ZNRF3: variants seen among roughly 807,000 people sequenced by gnomAD.
ZNRF3 encodes the protein zinc and ring finger 3, also known as E3 ubiquitin-protein ligase ZNRF3.
Under a neutral mutation model 72.5 loss-of-function variants are expected in ZNRF3, and 23 were observed. That is an observed-to-expected ratio of 0.32 (90% CI 0.23 to 0.45). The LOEUF is 0.45. Among genes scored for constraint, ZNRF3 ranks in the 20% least tolerant of loss-of-function variants. The pLI is 1.00. For synonymous variants in ZNRF3, 610 were observed against 545.3 expected, an observed-to-expected ratio of 1.12 and a Z score of -1.65; for missense variants, 1,169 against 1,272.1, an observed-to-expected ratio of 0.92 and a Z score of 1.23.
Position 28,923,968 on chromosome 22 carries a change from C to T in ZNRF3, c.300+39902C>T, listed in dbSNP as rs116261894. 3.3e-3 allele frequency among the ~76,000 whole-genome samples: 505 copies of T among 152,356 alleles called. 3 individuals are homozygous for T. Among genetic ancestry groups the T allele is most frequent in the African/African-American group, 0.012 (488 of 41,592 alleles). ...GCAATCATGATGATCTCGGATCCCG[C>T]GTGGGCGCTGTGATGGTATCGGCTT... is the stretch of plus-strand genomic sequence containing the variant. On this transcript the variant is annotated intron_variant, in intron 1 of 8. Coordinates refer to ENST00000544604, the MANE Select transcript of ZNRF3 (RefSeq NM_001206998.2).
At chr22:29,051,675 G>A (rs1026560918) in intron 8 of ZNRF3, among the ~76,000 whole-genome samples, 26 of 151,420 alleles carry the variant, frequency 1.7e-4, no homozygotes, top group Middle Eastern at 3.4e-3. Flanking sequence ...GGGAGGGCAA[G>A]GCGTGTGAAT....
chr22:28,896,851 C>T (rs2034007602), intron 1 of ZNRF3, among the ~76,000 whole-genome samples: 1 of 152,204 alleles, frequency 6.6e-6, no homozygotes, highest in South Asian at 2.1e-4. Flanking sequence ...TTGGCTTGCT[C>T]TGCCTCTTGC....
At chr22:29,036,022 G>A (rs1255713116) in intron 2 of ZNRF3, among the ~76,000 whole-genome samples, 1 of 152,106 alleles carries the variant, frequency 6.6e-6, no homozygotes, top group African/African-American at 2.4e-5. Context: ...ATTTTGGTGG[G>A]CGTGTGTCTG....
chr22:28,897,234 G>A (rs543045036), intron 1 of ZNRF3, among the ~76,000 whole-genome samples: 14 of 152,188 alleles, frequency 9.2e-5, no homozygotes, highest in Non-Finnish European at 2.1e-4. Flanking sequence ...GTCTCTCATT[G>A]TTGCCTCCGG....
At chr22:29,046,103 CTT>C (rs370700456) in intron 5 of ZNRF3, among the ~76,000 whole-genome samples, 128 of 152,288 alleles carry the variant, frequency 8.4e-4, no homozygotes, top group African/African-American at 3.0e-3. Flanking sequence ...AGCCACATCA[CTT>C]TGTGCTTGCA....
chr22:28,931,640 TCCATCTGTCCACACAC>T (rs2034709198), intron 1 of ZNRF3, among the ~76,000 whole-genome samples: 1 of 152,152 alleles, frequency 6.6e-6, no homozygotes, highest in Non-Finnish European at 1.5e-5. Flanking sequence ...CACCCATCTG[TCCATCTGTCCACACAC>T]CCATCTGTCC....
intron 2 of ZNRF3, among the ~76,000 whole-genome samples, chr22:29,000,766 A>C (rs2036127277): frequency 6.6e-6 from 1 of 152,102 alleles, no homozygotes; most frequent in African/African-American, 2.4e-5. Flanking sequence ...ATCACCACAG[A>C]AGGCAAAGGG....
intron 1 of ZNRF3, among the ~76,000 whole-genome samples, chr22:28,951,566 T>G (rs2035161322): frequency 6.6e-6 from 1 of 152,192 alleles, no homozygotes. Flanking sequence ...GACATCTTGA[T>G]TTTGGACTTC....
intron 1 of ZNRF3, among the ~76,000 whole-genome samples, chr22:28,985,584 A>T (rs1444491507): frequency 6.6e-6 from 1 of 152,154 alleles, no homozygotes; most frequent in African/African-American, 2.4e-5. Context: ...TCCCTGTCAG[A>T]TGGTCAGCTC....
At chr22:28,933,054 C>T (rs538047623) in intron 1 of ZNRF3, among the ~76,000 whole-genome samples, 2 of 152,322 alleles carry the variant, frequency 1.3e-5, no homozygotes, top group South Asian at 4.1e-4. Flanking sequence ...GTGGCCAAAT[C>T]TTCCAAAGTA....
chr22:29,043,035 A>G (rs2036996754), intron 3 of ZNRF3, among the ~76,000 whole-genome samples: 1 of 151,516 alleles, frequency 6.6e-6, no homozygotes, highest in Non-Finnish European at 1.5e-5. Context: ...GGCCTCCCAA[A>G]GTGCTGGGAT....
chr22:28,957,656 G>C (rs1053626338), intron 1 of ZNRF3, among the ~76,000 whole-genome samples: 1 of 151,816 alleles, frequency 6.6e-6, no homozygotes, highest in African/African-American at 2.4e-5. Context: ...GGCCAGGCTG[G>C]TCTCAAACTC....
intron 1 of ZNRF3, among the ~76,000 whole-genome samples, chr22:28,966,276 G>A (rs540815347): frequency 9.2e-5 from 14 of 152,172 alleles, no homozygotes; most frequent in Admixed American, 8.5e-4. Flanking sequence ...GTCATGTGTC[G>A]CATAATGACG....
Position 29,053,754 on chromosome 22 carries a change from C to A in ZNRF3, c.*132C>A. The A allele has an allele frequency of 2.3e-6, 2 of 854,362 alleles. No individual in the cohort carries two copies. The highest frequency in any genetic ancestry group is 3.5e-6 in the Non-Finnish European group (2 of 564,836). The allele number at this position is 854,362 out of a possible 1,614,324, so 52.9% of individuals were successfully genotyped here. A position where few individuals can be genotyped will look rare whatever the true frequency, so the allele number is the denominator to read the frequency against. On this transcript the variant is annotated 3_prime_UTR_variant, in exon 9 of 9. Transcript: ENST00000544604. ...AAAAGTGGTAATAAAGAGAGCCCTC[C>A]TTGTCAACCCAAAATGTGAGCCCCC...
At chr22:29,039,119 A>G (rs1198015194) in intron 2 of ZNRF3, among the ~76,000 whole-genome samples, 1 of 152,100 alleles carries the variant, frequency 6.6e-6, no homozygotes, top group Non-Finnish European at 1.5e-5. Flanking sequence ...GAAACATATC[A>G]CCATGTCCTA....
chr22:29,045,098 C>T (rs1042768888), intron 5 of ZNRF3, among the ~76,000 whole-genome samples: 9 of 152,126 alleles, frequency 5.9e-5, no homozygotes, highest in African/African-American at 1.9e-4. Context: ...CCATGACTCA[C>T]GCTTGTAATC....
At chr22:29,042,418 A>G in intron 2 of ZNRF3, 77 bp from the exon 3 acceptor site, 1 of 1,210,394 alleles carries the variant, frequency 8.3e-7, no homozygotes, top group South Asian at 1.3e-5. Flanking sequence ...ATTTGATTAC[A>G]GGCCTGATTG....
At chr22:29,044,717 C>G (rs1262167647) in intron 4 of ZNRF3, 63 bp from the exon 5 acceptor site, 1 of 1,135,206 alleles carries the variant, frequency 8.8e-7, no homozygotes, top group Non-Finnish European at 1.3e-6. Context: ...GCCAAGATAG[C>G]CCATGTGCCG....
intron 1 of ZNRF3, among the ~76,000 whole-genome samples, chr22:28,918,434 CACATAGTT>C (rs1344877520): frequency 6.6e-6 from 1 of 152,114 alleles, no homozygotes; most frequent in African/African-American, 2.4e-5. Context: ...TGGTTCTCCT[CACATAGTT>C]ACAGCTTGGA....
Sources: gnomAD v4.1 joint callset for allele counts (sites outside exome capture counted in the v4.1 genomes callset) on GRCh38, gnomAD v4.1.1 for gene constraint, MANE v1.5 for transcripts, NCBI Gene and HGNC (gene_info 2026-07-23, HGNC 2026-07-21) for gene names.